The following GRID2 variants were observed in gnomAD, a reference collection of about 807,000 sequenced individuals.
GRID2 encodes the protein glutamate receptor ionotropic, delta-2.
GRID2 carries 33 observed loss-of-function variants against 114.8 expected under a neutral mutation model. That is an observed-to-expected ratio of 0.29 (90% CI 0.22 to 0.38). The LOEUF is 0.38. Among genes scored for constraint, GRID2 ranks in the 10% least tolerant of loss-of-function variants. The pLI, the probability that GRID2 is intolerant of heterozygous loss-of-function variation, is 1.00. For missense variants in GRID2, 1,184 were observed against 1,257.7 expected, an observed-to-expected ratio of 0.94 and a Z score of 0.89; for synonymous variants, 505 against 449.9, an observed-to-expected ratio of 1.12 and a Z score of -1.55.
In GRID2 at chr4:93,335,941, C is replaced by T. The variant is rs1458184658; in HGVS notation, c.1246-59666C>T. 2.0e-5 allele frequency among the ~76,000 whole-genome samples: 3 copies of T among 152,166 alleles called. No homozygotes were observed. The East Asian group carries it at 5.8e-4, about 29-fold the overall frequency. On this transcript the variant is annotated intron_variant, in intron 8 of 15. Coordinates refer to ENST00000282020, the MANE Select transcript of GRID2 (RefSeq NM_001510.4). The stretch of plus-strand genomic sequence containing the variant: ...GGCTCAAGCGATCTGCTCACATTGG[C>T]CTCCCAAAGTGCTGGGATTATAGGC...
chr4:92,876,469 TA>T, intron 2 of GRID2, among the ~76,000 whole-genome samples: 1 of 152,062 alleles, frequency 6.6e-6, no homozygotes, highest in South Asian at 2.1e-4. Context: ...CACACCTGGC[TA>T]ATTTTTTGTA....
At chr4:92,913,223 C>T (rs780944739) in intron 2 of GRID2, among the ~76,000 whole-genome samples, 51 of 151,810 alleles carry the variant, frequency 3.4e-4, no homozygotes, top group Non-Finnish European at 6.3e-4. Context: ...ATATTACAGA[C>T]ATTTGCTACT....
At chr4:93,192,138 C>A (rs1000647891) in intron 4 of GRID2, among the ~76,000 whole-genome samples, 2 of 152,108 alleles carry the variant, frequency 1.3e-5, no homozygotes, top group Non-Finnish European at 2.9e-5. Context: ...CAGTAATTTA[C>A]CTAGAGAGGA....
chr4:93,583,578 G>A (rs2149598580), intron 13 of GRID2, among the ~76,000 whole-genome samples: 1 of 152,162 alleles, frequency 6.6e-6, no homozygotes, highest in East Asian at 1.9e-4. Context: ...CTGGCAAGTA[G>A]TTATATTATT....
intron 2 of GRID2, among the ~76,000 whole-genome samples, chr4:92,605,335 T>C (rs1050589792): frequency 6.6e-6 from 1 of 152,102 alleles, no homozygotes; most frequent in Non-Finnish European, 1.5e-5. Flanking sequence ...TGTTCACTTA[T>C]TTGTAGGATA....
chr4:92,564,956 G>T (rs576607206), intron 1 of GRID2, among the ~76,000 whole-genome samples: 1 of 151,892 alleles, frequency 6.6e-6, no homozygotes, highest in Non-Finnish European at 1.5e-5. Flanking sequence ...TGCATTTGCT[G>T]TTCCCCTATC....
intron 1 of GRID2, among the ~76,000 whole-genome samples, chr4:92,408,598 T>C (rs1162946214): frequency 2.6e-5 from 4 of 151,666 alleles, no homozygotes; most frequent in Non-Finnish European, 5.9e-5. Flanking sequence ...TACTGATTCT[T>C]CCAATCCATA....
intron 1 of GRID2, among the ~76,000 whole-genome samples, chr4:93,798,386 T>A (rs1246302830): frequency 1.3e-5 from 2 of 151,996 alleles, no homozygotes; most frequent in African/African-American, 2.4e-5. Context: ...AATAAGCATC[T>A]TACTAGATAA....
chr4:93,342,118 A>C (rs1342624151), intron 8 of GRID2, among the ~76,000 whole-genome samples: 1 of 152,146 alleles, frequency 6.6e-6, no homozygotes, highest in Non-Finnish European at 1.5e-5. Flanking sequence ...AAATGATATC[A>C]CTCTACTACT....
At chr4:93,204,400 A>G (rs990488380) in intron 4 of GRID2, among the ~76,000 whole-genome samples, 2 of 152,146 alleles carry the variant, frequency 1.3e-5, no homozygotes, top group Non-Finnish European at 2.9e-5. Context: ...TAGAACATGA[A>G]GATAGATGAT....
At chr4:92,435,671 G>A (rs1732703731) in intron 1 of GRID2, among the ~76,000 whole-genome samples, 1 of 152,172 alleles carries the variant, frequency 6.6e-6, no homozygotes, top group African/African-American at 2.4e-5. Flanking sequence ...CATATAAAAT[G>A]TACTTTAGGT....
chr4:93,184,394 T>G (rs1740192600), intron 4 of GRID2, among the ~76,000 whole-genome samples: 1 of 151,942 alleles, frequency 6.6e-6, no homozygotes, highest in African/African-American at 2.4e-5. Flanking sequence ...TTGAAGTGCC[T>G]GCTTCTTTTG....
chr4:93,144,900 T>C (rs1406029846), intron 4 of GRID2, among the ~76,000 whole-genome samples: 1 of 152,132 alleles, frequency 6.6e-6, no homozygotes, highest in African/African-American at 2.4e-5. Context: ...AAAGACAAAG[T>C]ATCAGGGAAC....
chr4:93,540,016 C>A (rs1438313275), intron 13 of GRID2, among the ~76,000 whole-genome samples: 1 of 151,836 alleles, frequency 6.6e-6, no homozygotes, highest in Non-Finnish European at 1.5e-5. Flanking sequence ...TTTTTAGTTT[C>A]TTTCTGGAGT....
chr4:93,793,604 A>G (rs944010933), intron 1 of GRID2, among the ~76,000 whole-genome samples: 2 of 152,144 alleles, frequency 1.3e-5, no homozygotes, highest in African/African-American at 4.8e-5. Context: ...CTATTATCCT[A>G]GTTCTAATTG....
At chr4:92,618,755 T>G (rs1031083384) in intron 2 of GRID2, among the ~76,000 whole-genome samples, 2 of 151,796 alleles carry the variant, frequency 1.3e-5, no homozygotes, top group African/African-American at 4.8e-5. Flanking sequence ...GAATAAATAC[T>G]TACTATTCCG....
intron 2 of GRID2, among the ~76,000 whole-genome samples, chr4:93,074,586 A>G (rs1729094316): frequency 6.6e-6 from 1 of 152,184 alleles, no homozygotes; most frequent in African/African-American, 2.4e-5. Context: ...CTTCTACCTC[A>G]GAAAAAGAAA....
At chr4:93,150,881 C>T (rs1020151944) in intron 4 of GRID2, among the ~76,000 whole-genome samples, 3 of 151,920 alleles carry the variant, frequency 2.0e-5, no homozygotes, top group Non-Finnish European at 4.4e-5. Context: ...AATCCCAGCA[C>T]TTTAGGAGGC....
At chr4:92,909,366 A>G (rs955358607) in intron 2 of GRID2, among the ~76,000 whole-genome samples, 6 of 151,870 alleles carry the variant, frequency 4.0e-5, no homozygotes, top group African/African-American at 1.5e-4. Flanking sequence ...ACATATTTTT[A>G]AGTAGCTATT....
Sources: allele counts gnomAD v4.1 joint callset (sites outside exome capture counted in the v4.1 genomes callset), GRCh38; gene constraint gnomAD v4.1.1; transcripts MANE v1.5; gene names NCBI Gene and HGNC (gene_info 2026-07-23, HGNC 2026-07-21).